Variants in GLMN observed in about 807,000 individuals in gnomAD.
GLMN encodes the protein glomulin.
Under a neutral mutation model 87.8 loss-of-function variants are expected in GLMN, and 75 were observed. That is an observed-to-expected ratio of 0.85 (90% CI 0.71 to 1.04). The LOEUF (loss-of-function observed/expected upper bound fraction) is 1.04, where lower values mean the gene tolerates loss of function less well. GLMN is among the 50% of genes least tolerant of loss of function. GLMN has a pLI of 0.00. For missense variants in GLMN, 588 were observed against 658.8 expected (o/e 0.89, Z 1.18); for synonymous variants, 206 against 221.6 (o/e 0.93, Z 0.63).
At chr1:92,276,971 T>C (rs960988760) in intron 7 of GLMN, among the ~76,000 whole-genome samples, 1 of 152,210 alleles carries the variant, frequency 6.6e-6, no homozygotes, top group Non-Finnish European at 1.5e-5. Context: ...GACCCCCAGA[T>C]TCTTGCTCTG....
chr1:92,333,688 A>G, the GLMN span, among the ~76,000 whole-genome samples: 1 of 152,162 alleles, frequency 6.6e-6, no homozygotes, highest in Non-Finnish European at 1.5e-5. Context: ...GCACATCATA[A>G]AGAGGAAGGT....
intron 9 of GLMN, 94 bp downstream of exon 9, chr1:92,269,629 G>T: frequency 1.2e-6 from 1 of 826,266 alleles, no homozygotes; most frequent in Non-Finnish European, 2.1e-6. Context: ...TAATTAATTA[G>T]AGCTTAGCAA....
chr1:92,359,835 T>C, the GLMN span, among the ~76,000 whole-genome samples: 1 of 152,122 alleles, frequency 6.6e-6, no homozygotes, highest in Non-Finnish European at 1.5e-5. Context: ...AGAGTCAAGA[T>C]GGGACAGAAC....
the GLMN span, among the ~76,000 whole-genome samples, chr1:92,347,577 T>C: frequency 1.3e-5 from 2 of 152,244 alleles, no homozygotes; most frequent in East Asian, 3.8e-4. Flanking sequence ...GATTAAGTTT[T>C]TGCCACATCT....
the GLMN span, among the ~76,000 whole-genome samples, chr1:92,305,562 CT>C: frequency 6.8e-6 from 1 of 146,960 alleles, no homozygotes; most frequent in Non-Finnish European, 1.5e-5. Context: ...AAATGTAAAA[CT>C]TTTGTTCATC....
the GLMN span, among the ~76,000 whole-genome samples, chr1:92,356,814 G>T: frequency 4.0e-5 from 6 of 151,684 alleles, no homozygotes; most frequent in African/African-American, 1.2e-4. Flanking sequence ...TGTAATCCCA[G>T]CACTTTGGGA....
chr1:92,336,046 T>C, the GLMN span, among the ~76,000 whole-genome samples: 1 of 152,202 alleles, frequency 6.6e-6, no homozygotes, highest in Admixed American at 6.5e-5. Context: ...TCTTTCCATC[T>C]TGGTCTAATA....
intron 7 of GLMN, 45 bp downstream of exon 7, chr1:92,286,445 G>C: frequency 1.1e-6 from 1 of 907,216 alleles, no homozygotes; most frequent in Admixed American, 1.7e-5. Flanking sequence ...AGAATATAGT[G>C]GGATAACATT....
chr1:92,295,038 A>G (rs1000046069), intron 3 of GLMN, among the ~76,000 whole-genome samples: 2 of 152,256 alleles, frequency 1.3e-5, no homozygotes, highest in Non-Finnish European at 2.9e-5. Flanking sequence ...AGCTGACCAC[A>G]TATTGCAAAG....
At chr1:92,282,550 T>A (rs2100996380) in intron 7 of GLMN, among the ~76,000 whole-genome samples, 1 of 152,116 alleles carries the variant, frequency 6.6e-6, no homozygotes, top group Admixed American at 6.5e-5. Flanking sequence ...CATCCTAACA[T>A]CACAATTAAA....
intron 3 of GLMN, among the ~76,000 whole-genome samples, chr1:92,296,284 C>G (rs1650038464): frequency 6.6e-6 from 1 of 151,898 alleles, no homozygotes; most frequent in Non-Finnish European, 1.5e-5. Flanking sequence ...TTAGTCTGTT[C>G]TCATGCTGCT....
At chr1:92,338,583 C>A in the GLMN span, among the ~76,000 whole-genome samples, 3 of 151,420 alleles carry the variant, frequency 2.0e-5, no homozygotes, top group Non-Finnish European at 4.4e-5. Context: ...GAGTGAATAT[C>A]ATCATACTAA....
chr1:92,287,912 T>G (rs917340823), intron 6 of GLMN, among the ~76,000 whole-genome samples: 10 of 152,026 alleles, frequency 6.6e-5, no homozygotes, highest in African/African-American at 2.4e-4. Flanking sequence ...TAAGATCTTT[T>G]AGTAGACACA....
At chr1:92,271,880 C>T (rs1203892579) in intron 7 of GLMN, among the ~76,000 whole-genome samples, 1 of 152,098 alleles carries the variant, frequency 6.6e-6, no homozygotes, top group Non-Finnish European at 1.5e-5. Context: ...AATTAAGGTC[C>T]CAAATCAGTA....
the GLMN span, among the ~76,000 whole-genome samples, chr1:92,325,165 G>A: frequency 6.6e-6 from 1 of 152,130 alleles, no homozygotes; most frequent in South Asian, 2.1e-4. Flanking sequence ...TTTGATTGAT[G>A]TATACTCCCT....
At chr1:92,271,743 G>T in intron 7 of GLMN, 91 bp from the exon 8 acceptor site, 1 of 882,658 alleles carries the variant, frequency 1.1e-6, no homozygotes, top group South Asian at 1.4e-5. Flanking sequence ...TCACCAAGGG[G>T]AGGTGTAATC....
At chr1:92,262,156 T>A (rs112742288) in intron 16 of GLMN, among the ~76,000 whole-genome samples, 55 of 152,066 alleles carry the variant, frequency 3.6e-4, no homozygotes, top group Non-Finnish European at 6.3e-4. Flanking sequence ...TTAAAAAAAA[T>A]TTTCTTTGGC....
chr1:92,333,540 T>C, the GLMN span: 5 of 1,039,822 alleles, frequency 4.8e-6, no homozygotes, highest in Non-Finnish European at 7.5e-6. Context: ...AAGCTCATAA[T>C]GTGTAAGTAT....
At chr1:92,368,078 A>G in the GLMN span, among the ~76,000 whole-genome samples, 1 of 152,158 alleles carries the variant, frequency 6.6e-6, no homozygotes, top group African/African-American at 2.4e-5. Flanking sequence ...GTGGTTCAGT[A>G]TGAGTGCAGT....
Sources: allele counts gnomAD v4.1 joint callset (sites outside exome capture counted in the v4.1 genomes callset), GRCh38; gene constraint gnomAD v4.1.1; transcripts MANE v1.5; gene names NCBI Gene and HGNC (gene_info 2026-07-23, HGNC 2026-07-21).